The following EPHB2 variants were observed in gnomAD, a reference collection of about 807,000 sequenced individuals.
EPHB2 encodes the protein ephrin type-B receptor 2.
Under a neutral mutation model 96.4 loss-of-function variants are expected in EPHB2, and 18 were observed. That is an observed-to-expected ratio of 0.19 (90% CI 0.13 to 0.28). EPHB2 has a LOEUF of 0.28. Among genes scored for constraint, EPHB2 ranks in the 10% least tolerant of loss-of-function variants. The probability of loss-of-function intolerance (pLI) is 1.00; values close to 1 mark genes in which losing one functional copy is unlikely to be tolerated. For missense variants in EPHB2, 989 were observed against 1,355.4 expected, an observed-to-expected ratio of 0.73 and a Z score of 4.25; for synonymous variants, 506 against 534.1, an observed-to-expected ratio of 0.95 and a Z score of 0.72.
In EPHB2 at chr1:22,860,613, GC is replaced by G. The variant is rs1017335099; in HGVS notation, c.812-2417del. 6.6e-6 allele frequency among the ~76,000 whole-genome samples: 1 copy of G among 152,124 alleles called. No individual in the cohort carries two copies. Among genetic ancestry groups the G allele is most frequent in the South Asian group, 2.1e-4 (1 of 4,814 alleles). ...GAGAGAGAGCAGCCACCCACTGGCG[GC>G]CCCCCCGGGAATGCCCCGCAGATGG... is the stretch of plus-strand genomic sequence containing the variant. On this transcript the variant is annotated intron_variant, in intron 3 of 15. Coordinates refer to ENST00000374630, the MANE Select transcript of EPHB2 (RefSeq NM_017449.5). This position sits in a 1 kb window ranked among gnomAD's most constrained non-coding sequence, Gnocchi z 4.6.
At position 22,913,062 on chromosome 1, in the gene EPHB2, A is replaced by G. The variant is rs1640159680; in HGVS notation, c.2853-400A>G. 7 of 358,206 alleles carry G rather than the reference A, an allele frequency of 2.0e-5. No individual in the cohort carries two copies. The highest frequency in any genetic ancestry group is 3.8e-5 in the Non-Finnish European group (7 of 185,152). 22.2% of individuals were successfully genotyped at this position (358,206 alleles called of 1,614,324 possible). A position where few individuals can be genotyped will look rare whatever the true frequency, so the allele number is the denominator to read the frequency against. ...CAAAAAATTAGCCACGCAAGGTGGCATGCACCTGTAATGCCAGCTACTCGG... is the reference window on the plus strand; with the variant it reads ...CAAAAAATTAGCCACGCAAGGTGGCGTGCACCTGTAATGCCAGCTACTCGG... On this transcript the variant is annotated intron_variant, in intron 15 of 15. Coordinates refer to ENST00000374630, the MANE Select transcript of EPHB2 (RefSeq NM_017449.5). This position sits in a 1 kb window ranked among gnomAD's most constrained non-coding sequence, Gnocchi z 4.1.
At chr1:22,716,425 G>A (rs571202049) in intron 1 of EPHB2, among the ~76,000 whole-genome samples, 5 of 152,000 alleles carry the variant, frequency 3.3e-5, no homozygotes, top group Admixed American at 2.0e-4. Flanking sequence ...TCCGCCTCCC[G>A]GGTTCAAGCC....
At chr1:22,781,585 C>G in intron 2 of EPHB2, 100 bp downstream of exon 2, 1 of 1,216,692 alleles carries the variant, frequency 8.2e-7, no homozygotes. Flanking sequence ...CTTTCCCCCT[C>G]TTCAGGACCC....
chr1:22,827,059 C>T (rs1172384778), intron 3 of EPHB2, among the ~76,000 whole-genome samples: 1 of 152,214 alleles, frequency 6.6e-6, no homozygotes, highest in Non-Finnish European at 1.5e-5. Context: ...GAATCCAGAG[C>T]TCCTGCCCCG....
intron 6 of EPHB2, among the ~76,000 whole-genome samples, chr1:22,887,475 C>T (rs1639262474): frequency 6.6e-6 from 1 of 152,214 alleles, no homozygotes; most frequent in Admixed American, 6.5e-5. Context: ...CACTCCTTTC[C>T]TTCTTCAGAA....
intron 9 of EPHB2, among the ~76,000 whole-genome samples, chr1:22,900,585 G>C (rs1557745477): frequency 6.6e-6 from 1 of 152,160 alleles, no homozygotes; most frequent in African/African-American, 2.4e-5. Flanking sequence ...TGCTGAGCTG[G>C]AATGGGATAG....
intron 3 of EPHB2, among the ~76,000 whole-genome samples, chr1:22,801,240 C>T (rs1243208301): frequency 6.6e-6 from 1 of 152,186 alleles, no homozygotes; most frequent in African/African-American, 2.4e-5. Context: ...CCGGCTGTTA[C>T]GTTTACGAAG....
At chr1:22,809,306 C>T (rs1644971509) in intron 3 of EPHB2, among the ~76,000 whole-genome samples, 1 of 152,204 alleles carries the variant, frequency 6.6e-6, no homozygotes. Context: ...GGAGTATTTA[C>T]TCGGCACCCT....
intron 7 of EPHB2, among the ~76,000 whole-genome samples, chr1:22,894,666 G>T (rs537445226): frequency 2.0e-5 from 3 of 152,026 alleles, no homozygotes; most frequent in Non-Finnish European, 4.4e-5. Flanking sequence ...ATTGAGTGGT[G>T]GTTTCCAAGA....
chr1:22,912,666 G>T, intron 15 of EPHB2, 67 bp downstream of exon 15: 6 of 1,602,518 alleles, frequency 3.7e-6, no homozygotes, highest in Non-Finnish European at 5.1e-6. Flanking sequence ...CCAGCCAAGT[G>T]GGGTGATCTG....
At chr1:22,715,639 G>A (rs1001065896) in intron 1 of EPHB2, among the ~76,000 whole-genome samples, 1 of 152,238 alleles carries the variant, frequency 6.6e-6, no homozygotes, top group East Asian at 1.9e-4. Context: ...GAATCAGAAA[G>A]CCAGTTGACT....
chr1:22,828,062 C>T (rs1645249988), intron 3 of EPHB2, among the ~76,000 whole-genome samples: 1 of 152,212 alleles, frequency 6.6e-6, no homozygotes, highest in Admixed American at 6.5e-5. Context: ...ACAAACATTT[C>T]AAAGCAGAGG....
intron 9 of EPHB2, among the ~76,000 whole-genome samples, chr1:22,902,026 A>G (rs917231678): frequency 6.6e-6 from 1 of 152,188 alleles, no homozygotes. Flanking sequence ...GGTTTCTGCC[A>G]TGTTACCCAG....
chr1:22,769,564 C>T (rs1055241459), intron 1 of EPHB2, among the ~76,000 whole-genome samples: 1 of 152,110 alleles, frequency 6.6e-6, no homozygotes, highest in African/African-American at 2.4e-5. Context: ...TGCACCACCA[C>T]ACCCAGCTAA....
chr1:22,871,317 G>T (rs1638657947), intron 5 of EPHB2, among the ~76,000 whole-genome samples: 1 of 152,142 alleles, frequency 6.6e-6, no homozygotes, highest in African/African-American at 2.4e-5. Flanking sequence ...CAGCCTGGCT[G>T]GGTATCCCCA....
intron 9 of EPHB2, among the ~76,000 whole-genome samples, chr1:22,898,058 G>A (rs1158777836): frequency 6.7e-6 from 1 of 148,200 alleles, no homozygotes; most frequent in Non-Finnish European, 1.5e-5. Context: ...AGCCGAGGTT[G>A]CAGTGAGCCC....
intron 3 of EPHB2, among the ~76,000 whole-genome samples, chr1:22,827,064 GC>G (rs1167432333): frequency 1.3e-5 from 2 of 152,214 alleles, no homozygotes; most frequent in Non-Finnish European, 2.9e-5. Context: ...CAGAGCTCCT[GC>G]CCCGCTTCCT....
At chr1:22,805,082 G>A (rs1403627229) in intron 3 of EPHB2, among the ~76,000 whole-genome samples, 1 of 150,596 alleles carries the variant, frequency 6.6e-6, no homozygotes, top group Admixed American at 6.6e-5. Context: ...ACATACCAGG[G>A]CCACACCTTG....
At chr1:22,793,703 G>A (rs1167222686) in intron 3 of EPHB2, among the ~76,000 whole-genome samples, 1 of 152,136 alleles carries the variant, frequency 6.6e-6, no homozygotes, top group East Asian at 1.9e-4. Context: ...ACAGGGAGGT[G>A]AAAGGTGCCA....
Sources: gnomAD v4.1 joint callset for allele counts (sites outside exome capture counted in the v4.1 genomes callset) on GRCh38, gnomAD v4.1.1 for gene constraint, Gnocchi (gnomAD v3.1) non-coding constraint, MANE v1.5 for transcripts, NCBI Gene and HGNC (gene_info 2026-07-23, HGNC 2026-07-21) for gene names.